Variants in IFT172 observed in about 807,000 individuals in gnomAD.
The protein encoded by IFT172 is intraflagellar transport 172.
Under a neutral mutation model 248.9 loss-of-function variants are expected in IFT172, and 164 were observed. That is an observed-to-expected ratio of 0.66 (90% confidence interval 0.58 to 0.75). The LOEUF (loss-of-function observed/expected upper bound fraction) is 0.75, where lower values mean the gene tolerates loss of function less well. Ranked by LOEUF, IFT172 falls within the 30% of genes least tolerant of loss-of-function variation. IFT172 has a pLI of 0.00. For synonymous variants in IFT172, 729 were observed against 791.6 expected (o/e 0.92, Z 1.33); for missense variants, 1,950 against 2,192.4 (o/e 0.89, Z 2.21).
chr2:27,445,454 A>C lies in IFT172; in HGVS notation c.4915-5T>G, dbSNP rs764401765. 1.2e-6 allele frequency: 2 copies of C among 1,608,760 alleles called. No individual in the cohort carries two copies. The highest frequency in any genetic ancestry group is 3.4e-5 in the Admixed American group (2 of 59,170). On this transcript the variant is annotated splice_polypyrimidine_tract_variant and splice_region_variant and intron_variant, in intron 45 of 47. Coordinates refer to ENST00000260570, the MANE Select transcript of IFT172 (RefSeq NM_015662.3). The surrounding 1 kb of genome is among the most constrained non-coding windows in gnomAD (Gnocchi z 4.4). Reference sequence around the variant, plus strand: ...AACCTCTTCTCTCTCAGCCTCCTGGAAAGGACAAGAAGGGAGTGGTAGCTT... The same window carrying C: ...AACCTCTTCTCTCTCAGCCTCCTGGCAAGGACAAGAAGGGAGTGGTAGCTT...
intron 19 of IFT172, 59 bp from the exon 20 acceptor site, chr2:27,462,852 G>C: frequency 6.6e-7 from 1 of 1,517,848 alleles, no homozygotes; most frequent in South Asian, 1.1e-5. Context: ...TGTCTGTGAG[G>C]GCTGAAATTG....
At chr2:27,465,380 G>A (rs777063755) in intron 18 of IFT172, 31 bp downstream of exon 18, 44 of 1,565,112 alleles carry the variant, frequency 2.8e-5, no homozygotes, top group Middle Eastern at 1.7e-4. Context: ...TCCTAGCTGC[G>A]TGGCACCTCT....
rs752135960 is a variant in IFT172 at position 27,489,650 on chromosome 2, G to T, written c.4C>A (p.His2Asn). The stretch of plus-strand genomic sequence containing the variant: ...AGCAGGGTCCTCAGGTGCTTCAAGT[G>T]CATGACGCACACCTGTCTTTCAGAT... M[H>N]LKHLRTLLSP... The change falls in exon 1 of 48, where the codon CAC becomes AAC. Residue 2 changes from histidine (H) to asparagine (N), a missense_variant. Around this residue, in one of 3 missense-constraint regions of IFT172, gnomAD observed 1,166 missense variants for 1,254.1 expected, o/e 0.93. Transcript: ENST00000260570. The T allele has an allele frequency of 1.9e-6, 3 of 1,611,428 alleles. No individual in the cohort carries two copies. The East Asian group carries it at 6.7e-5, about 36-fold the overall frequency.
At chr2:27,455,829 T>C (rs1666109623) in intron 30 of IFT172, 1 of 467,914 alleles carries the variant, frequency 2.1e-6, no homozygotes, top group Non-Finnish European at 4.0e-6. Flanking sequence ...GACAGCAACA[T>C]ATAGGAGGGA....
intron 10 of IFT172, 68 bp from the exon 11 acceptor site, chr2:27,478,224 C>T: frequency 1.3e-6 from 2 of 1,587,184 alleles, no homozygotes; most frequent in East Asian, 2.2e-5. Context: ...CAACCATGAC[C>T]TTTGCCCACC....
At position 27,447,562 on chromosome 2, in the gene IFT172, C is replaced by T. The variant is rs770733075; in HGVS notation, c.4612G>A (p.Ala1538Thr). 111 of 1,613,974 alleles carry T rather than the reference C, an allele frequency of 6.9e-5. No homozygotes were observed. The highest frequency in any genetic ancestry group is 2.3e-4 in the South Asian group (21 of 91,088). The change falls in exon 42 of 48, where the codon GCT (alanine) becomes ACT (threonine). Residue 1538 changes from alanine to threonine, a missense_variant. By Grantham distance (58) the Ala-to-Thr change is moderately conservative. Transcript: ENST00000260570. ...GCAGAGCGCGTGGCATAGTAATGAGCGATCAGCAGCATCGTCTTGAACTCC... is the reference window on the plus strand; with the variant it reads ...GCAGAGCGCGTGGCATAGTAATGAGTGATCAGCAGCATCGTCTTGAACTCC... ...HEEFKTMLLI[A>T]HYYATRSAAQ...
At position 27,465,967 on chromosome 2, in the gene IFT172, C is replaced by T. The variant is rs939770064; in HGVS notation, c.1693-85G>A. On this transcript the variant is annotated intron_variant, in intron 16 of 47. Coordinates refer to ENST00000260570, the MANE Select transcript of IFT172 (RefSeq NM_015662.3). ...ATAGAAAAGACCCACCCTCATCCGA[C>T]CCAGTCAGTGGTCAAGAGAGTCACA... is the stretch of plus-strand genomic sequence containing the variant. The T allele has an allele frequency of 3.3e-6, 5 of 1,505,938 alleles. No individual in the cohort carries two copies. In the African/African-American group the frequency reaches 5.5e-5, roughly 17 times the overall value. 93.3% of individuals were successfully genotyped at this position (1,505,938 alleles called of 1,614,324 possible). A position where few individuals can be genotyped will look rare whatever the true frequency, so the allele number is the denominator to read the frequency against.
intron 30 of IFT172, chr2:27,455,753 C>A: frequency 2.3e-6 from 1 of 441,218 alleles, no homozygotes; most frequent in South Asian, 1.8e-5. Context: ...AATCTGCTCC[C>A]ATCCTGCCAG....
chr2:27,489,588 G>C (rs1669019513), intron 1 of IFT172, 27 bp downstream of exon 1: 1 of 1,589,700 alleles, frequency 6.3e-7, no homozygotes, highest in Admixed American at 1.7e-5. Context: ...AAGCATAAGG[G>C]GGAGGGACTG....
In IFT172 at chr2:27,445,148, T is replaced by C. The variant is rs1311921070; in HGVS notation, c.5069-43A>G. ...ATGATGAACTGGGGTTTGAGAGAGA[T>C]TGAGGAGGGAAAAATGAGGAGCAGC... On this transcript the variant is annotated intron_variant, in intron 46 of 47. Coordinates refer to ENST00000260570, the MANE Select transcript of IFT172 (RefSeq NM_015662.3). This position sits in a 1 kb window ranked among gnomAD's most constrained non-coding sequence, Gnocchi z 4.4. The C allele has an allele frequency of 1.2e-6, 2 of 1,610,170 alleles. No homozygotes were observed. Among genetic ancestry groups the C allele is most frequent in the African/African-American group, 1.3e-5 (1 of 74,630 alleles).
chr2:27,484,407 C>T, intron 3 of IFT172, 141 bp from the exon 4 acceptor site: 2 of 755,410 alleles, frequency 2.6e-6, no homozygotes, highest in Admixed American at 2.4e-5. Context: ...CTGGCTAACA[C>T]AGTGAAACCC....
chr2:27,446,680 ATTTTTTTT>A (rs766069964), intron 42 of IFT172, among the ~76,000 whole-genome samples: 11 of 80,466 alleles, frequency 1.4e-4, no homozygotes, highest in South Asian at 5.5e-4. Context: ...TGCCTGGCTA[ATTTTTTTT>A]TTTTTTTTTT....
At chr2:27,462,074 G>A (rs111759718) in intron 20 of IFT172, among the ~76,000 whole-genome samples, 2 of 152,254 alleles carry the variant, frequency 1.3e-5, no homozygotes, top group East Asian at 1.9e-4. Context: ...CTCTGTTGCC[G>A]AGGCTGAAGT....
intron 21 of IFT172, 25 bp from the exon 22 acceptor site, chr2:27,461,542 G>T: frequency 6.2e-7 from 1 of 1,610,172 alleles, no homozygotes; most frequent in South Asian, 1.1e-5. Flanking sequence ...AGGACAACTA[G>T]GAGTCACATC....
intron 16 of IFT172, among the ~76,000 whole-genome samples, chr2:27,467,744 G>A (rs1482076069): frequency 6.6e-6 from 1 of 151,906 alleles, no homozygotes; most frequent in African/African-American, 2.4e-5. Flanking sequence ...GTTCTGAAGA[G>A]ACTAGAGAAT....
intron 19 of IFT172, 120 bp downstream of exon 19, chr2:27,462,977 G>T (rs1453987449): frequency 1.6e-6 from 2 of 1,214,504 alleles, no homozygotes; most frequent in Non-Finnish European, 2.4e-6. Context: ...TGAGGGTAAA[G>T]GTGGGGTGGG....
At chr2:27,488,856 A>AAAAAAC (rs1350959011) in intron 1 of IFT172, among the ~76,000 whole-genome samples, 6 of 152,186 alleles carry the variant, frequency 3.9e-5, no homozygotes, top group African/African-American at 1.2e-4. Context: ...TCGTCTCTAC[A>AAAAAAC]AAAAACAAAA....
rs1665288663 is a variant in IFT172 at position 27,447,843 on chromosome 2, C to T, written c.4508G>A (p.Trp1503Ter). ...GAAGAGGACATCTCGAAGATCAGCC[C>T]AGCTATGATAGGCCTCGGCACAGTT... is the stretch of plus-strand genomic sequence containing the variant. The part of the protein sequence containing the change: ...GTNCAEAYHS[W>*]ADLRDVLFNL... Residue 1503 changes from tryptophan to a stop codon, truncating the protein, a stop_gained, in exon 41 of 48, where the codon TGG becomes TAG. Transcript: ENST00000260570. LOFTEE classifies it high-confidence loss of function. 2 of 1,613,646 alleles carry T rather than the reference C, an allele frequency of 1.2e-6. No individual in the cohort carries two copies. The highest frequency in any genetic ancestry group is 1.7e-6 in the Non-Finnish European group (2 of 1,179,628).
At chr2:27,476,797 T>C in intron 13 of IFT172, 71 bp from the exon 14 acceptor site, 1 of 841,130 alleles carries the variant, frequency 1.2e-6, no homozygotes, top group Non-Finnish European at 2.0e-6. Flanking sequence ...GGCTCTGAAG[T>C]ACCATATGGG....
Sources: allele counts gnomAD v4.1 joint callset (sites outside exome capture counted in the v4.1 genomes callset), GRCh38; gene constraint gnomAD v4.1.1; regional missense constraint gnomAD v4.1.1; non-coding constraint Gnocchi (gnomAD v3.1); transcripts MANE v1.5; gene names NCBI Gene and HGNC (gene_info 2026-07-23, HGNC 2026-07-21).